ZNF134: variants seen among roughly 807,000 people sequenced by gnomAD.
ZNF134 encodes zinc finger protein 134, also known as zinc finger protein 134 (clone pHZ-15).
Under a neutral mutation model 2.5 loss-of-function variants are expected in ZNF134, and 5 were observed. That is an observed-to-expected ratio of 2.03 (90% CI 1.06 to 4.27). The LOEUF is 4.27. Ranked by LOEUF, ZNF134 falls within the 30% of genes most tolerant of loss-of-function variation. ZNF134 has a pLI of 0.00. For missense variants in ZNF134, 540 were observed against 517.5 expected, an observed-to-expected ratio of 1.04 and a Z score of -0.42; for synonymous variants, 176 against 176.2, an observed-to-expected ratio of 1.00 and a Z score of 0.01.
Position 57,619,664 on chromosome 19 carries a change from C to T in ZNF134, c.40+156C>T, listed in dbSNP as rs1056780636. Reference sequence around the variant, plus strand: ...TACACTCTTGTCATTTCTAATCTGACTTCTGACCCAGGGCTGTCTTCTCCC... The same window carrying T: ...TACACTCTTGTCATTTCTAATCTGATTTCTGACCCAGGGCTGTCTTCTCCC... On this transcript the variant is annotated intron_variant, in intron 2 of 2. Coordinates refer to ENST00000396161, the MANE Select transcript of ZNF134 (RefSeq NM_003435.5). The T allele has an allele frequency of 2.8e-5, 24 of 865,732 alleles. No homozygotes were observed. In the African/African-American group the frequency reaches 3.9e-4, roughly 14 times the overall value. The allele number at this position is 865,732 out of a possible 1,614,324, so 53.6% of individuals were successfully genotyped here.
rs758585264 is a variant in ZNF134 at position 57,621,085 on chromosome 19, G to C, written c.966G>C (p.Gly322=). 6.2e-7 allele frequency: 1 copy of C among 1,614,094 alleles called. No individual in the cohort carries two copies. The highest frequency in any genetic ancestry group is 8.5e-7 in the Non-Finnish European group (1 of 1,180,044). ...ATCCTTATGATTGCAGTGATTGTGG[G>C]AAATCCTTTGGCCACAAATACACCC... ...GENPYDCSDC[G]KSFGHKYTLI... The change falls in exon 3 of 3, where the codon GGG becomes GGC. Residue 322 remains glycine (G), a synonymous_variant. Coordinates refer to ENST00000396161, the MANE Select transcript of ZNF134 (RefSeq NM_003435.5).
In ZNF134 at chr19:57,620,638, A is replaced by G. The variant is rs1568630528; in HGVS notation, c.519A>G (p.Gln173=). The G allele has an allele frequency of 8.1e-6, 13 of 1,614,212 alleles. No homozygotes were observed. Among genetic ancestry groups the G allele is most frequent in the Non-Finnish European group, 9.3e-6 (11 of 1,180,038 alleles). ...GTGGGGATGCATTTCATGGTGAACA[A>G]ATGCATTACAAGTGCAGTGAATGTG... ...TESGDAFHGE[Q]MHYKCSECGK... is the part of the protein sequence containing the mutation. The change falls in exon 3 of 3, where the codon CAA becomes CAG. Residue 173 remains glutamine, a synonymous_variant. Transcript: ENST00000396161.
At chr19:57,619,689 C>T in intron 2 of ZNF134, 181 bp downstream of exon 2, 1 of 674,536 alleles carries the variant, frequency 1.5e-6, no homozygotes, top group Non-Finnish European at 2.5e-6. Context: ...TGTCTTCTCC[C>T]ATTCTCTACC....
In ZNF134 at chr19:57,614,449, T is replaced by A; in HGVS notation, c.-112T>A. ...CCGCGACCTGGGACCCCCTCGCGGC[T>A]CCGGGTGGTCTACGAACTGTGATGG... is the stretch of plus-strand genomic sequence containing the variant. On this transcript the variant is annotated 5_prime_UTR_variant, in exon 1 of 3. Transcript: ENST00000396161. The A allele has an allele frequency of 2.3e-6, 1 of 439,806 alleles. No individual in the cohort carries two copies. Among genetic ancestry groups the A allele is most frequent in the South Asian group, 1.6e-5 (1 of 62,728 alleles). 27.2% of individuals were successfully genotyped at this position (439,806 alleles called of 1,614,324 possible). A position where few individuals can be genotyped will look rare whatever the true frequency, so the allele number is the denominator to read the frequency against.
intron 1 of ZNF134, among the ~76,000 whole-genome samples, chr19:57,616,246 G>A (rs556220670): frequency 6.6e-6 from 1 of 152,332 alleles, no homozygotes; most frequent in East Asian, 1.9e-4. Context: ...TAGTGCAAGG[G>A]CTAGTGTACA....
Position 57,621,423 on chromosome 19 carries a change from G to T in ZNF134, c.*20G>T, listed in dbSNP as rs1981217595. 1 of 1,610,188 alleles carries T rather than the reference G, an allele frequency of 6.2e-7. No individual in the cohort carries two copies. The highest frequency in any genetic ancestry group is 8.5e-7 in the Non-Finnish European group (1 of 1,179,978). ...CTTTAGGAGTGCTTTGAATACAACA[G>T]GACTCATCAATCAGATGTTGAATTT... On this transcript the variant is annotated 3_prime_UTR_variant, in exon 3 of 3. Coordinates refer to ENST00000396161, the MANE Select transcript of ZNF134 (RefSeq NM_003435.5).
At position 57,614,439 on chromosome 19, in the gene ZNF134, C is replaced by A. The variant is rs748434010; in HGVS notation, c.-122C>A. On this transcript the variant is annotated 5_prime_UTR_variant, in exon 1 of 3. Transcript: ENST00000396161. ...TGCCAGGGTCCCGCGACCTGGGACC[C>A]CCTCGCGGCTCCGGGTGGTCTACGA... 2.3e-6 allele frequency: 1 copy of A among 443,168 alleles called. No individual in the cohort carries two copies. Among genetic ancestry groups the A allele is most frequent in the Non-Finnish European group, 4.5e-6 (1 of 220,512 alleles). The allele number at this position is 443,168 out of a possible 1,614,324, so 27.5% of individuals were successfully genotyped here.
intron 1 of ZNF134, among the ~76,000 whole-genome samples, chr19:57,616,438 C>T (rs577538165): frequency 9.8e-5 from 15 of 152,300 alleles, no homozygotes; most frequent in South Asian, 2.1e-4. Flanking sequence ...TTTTCAAAAA[C>T]TCATCAGTTC....
intron 1 of ZNF134, among the ~76,000 whole-genome samples, chr19:57,618,006 T>A (rs1309094640): frequency 6.6e-6 from 1 of 152,210 alleles, no homozygotes; most frequent in Non-Finnish European, 1.5e-5. Flanking sequence ...CTGTGGAGTT[T>A]CAGTCAAGCT....
At position 57,620,463 on chromosome 19, in the gene ZNF134, T is replaced by C; in HGVS notation, c.344T>C (p.Ile115Thr). 6.2e-7 allele frequency: 1 copy of C among 1,614,162 alleles called. No individual in the cohort carries two copies. The highest frequency in any genetic ancestry group is 8.5e-7 in the Non-Finnish European group (1 of 1,180,026). Residue 115 changes from isoleucine to threonine, a missense_variant, in exon 3 of 3, where the codon ATT (isoleucine) becomes ACT (threonine). By Grantham distance (89) the Ile-to-Thr change is moderately conservative. Coordinates refer to ENST00000396161, the MANE Select transcript of ZNF134 (RefSeq NM_003435.5). ...AGAAGGGATAAAAGTGAGGCCTCAATTGTGAAGAACTGCACAGTTAGCAAA... is the reference window on the plus strand; with the variant it reads ...AGAAGGGATAAAAGTGAGGCCTCAACTGTGAAGAACTGCACAGTTAGCAAA... The part of the protein sequence containing the change: ...PLRRDKSEAS[I>T]VKNCTVSKEP...
chr19:57,622,391 A>T lies in ZNF134; in HGVS notation c.*988A>T, dbSNP rs1250853435. On this transcript the variant is annotated 3_prime_UTR_variant, in exon 3 of 3. Transcript: ENST00000396161. ...TCCAGTAGGGAAACAAAATTGATAA[A>T]TATTGAGTGTGAGTAATTGGGATTG... 1 of 152,250 alleles carries T rather than the reference A, an allele frequency of 6.6e-6. No homozygotes were observed. The highest frequency in any genetic ancestry group is 2.4e-5 in the African/African-American group (1 of 41,462). The allele number at this position is 152,250 out of a possible 1,614,324, so 9.4% of individuals were successfully genotyped here. A position where few individuals can be genotyped will look rare whatever the true frequency, so the allele number is the denominator to read the frequency against.
In ZNF134 at chr19:57,624,539, TG is replaced by T. The variant is rs1981323204; in HGVS notation, c.*3138del. On this transcript the variant is annotated 3_prime_UTR_variant, in exon 3 of 3. Transcript: ENST00000396161. ...GCAAACCCAAATAAGGGAGGAGGGG[TG>T]GTAATCAGGGGTCCCTGAAATCCCC... The T allele has an allele frequency of 2.0e-5, 3 of 152,052 alleles. No homozygotes were observed. Among genetic ancestry groups the T allele is most frequent in the Non-Finnish European group, 4.4e-5 (3 of 68,018 alleles). The allele number at this position is 152,052 out of a possible 1,614,324, so 9.4% of individuals were successfully genotyped here. A position where few individuals can be genotyped will look rare whatever the true frequency, so the allele number is the denominator to read the frequency against.
In ZNF134 at chr19:57,620,528, G is replaced by A. The variant is rs201090711; in HGVS notation, c.409G>A (p.Glu137Lys). 129 of 1,614,196 alleles carry A rather than the reference G, an allele frequency of 8.0e-5. No individual in the cohort carries two copies. Among genetic ancestry groups the A allele is most frequent in the Non-Finnish European group, 3.4e-6 (4 of 1,180,044 alleles). ...PSEKPFTCKEEQKNFQATLGG... is the reference protein window; with the variant it reads ...PSEKPFTCKEKQKNFQATLGG... Reference sequence around the variant, plus strand: ...AGAGAAGCCCTTTACGTGTAAGGAGGAGCAGAAAAACTTCCAGGCTACTTT... The same window carrying A: ...AGAGAAGCCCTTTACGTGTAAGGAGAAGCAGAAAAACTTCCAGGCTACTTT... Residue 137 changes from glutamate (E) to lysine (K), a missense_variant, in exon 3 of 3, where the codon GAG (glutamate) becomes AAG (lysine). Coordinates refer to ENST00000396161, the MANE Select transcript of ZNF134 (RefSeq NM_003435.5).
chr19:57,621,212 G>T lies in ZNF134; in HGVS notation c.1093G>T (p.Val365Phe). 6.2e-7 allele frequency: 1 copy of T among 1,614,074 alleles called. No individual in the cohort carries two copies. The highest frequency in any genetic ancestry group is 8.5e-7 in the Non-Finnish European group (1 of 1,180,034). ...TTCTGACTATATTGCACACCAGAGG[G>T]TTCACACTGGTGAAAGGCCTTTTGT... The part of the protein sequence containing the change: ...RSSDYIAHQR[V>F]HTGERPFVCS... The change falls in exon 3 of 3, where the codon GTT (valine) becomes TTT (phenylalanine). Residue 365 changes from valine to phenylalanine, a missense_variant. Val to Phe is a conservative substitution (Grantham distance 50). Coordinates refer to ENST00000396161, the MANE Select transcript of ZNF134 (RefSeq NM_003435.5).
At chr19:57,616,069 A>G (rs1268648013) in intron 1 of ZNF134, among the ~76,000 whole-genome samples, 1 of 152,212 alleles carries the variant, frequency 6.6e-6, no homozygotes, top group African/African-American at 2.4e-5. Context: ...GCCACCCTAC[A>G]GGCTCAGCAT....
At chr19:57,619,871 CT>C (rs1479043443) in intron 2 of ZNF134, among the ~76,000 whole-genome samples, 3 of 152,226 alleles carry the variant, frequency 2.0e-5, no homozygotes, top group African/African-American at 7.2e-5. Flanking sequence ...TAGGAGTCAC[CT>C]GTCACCCACA....
At position 57,623,894 on chromosome 19, in the gene ZNF134, A is replaced by G. The variant is rs547401001; in HGVS notation, c.*2491A>G. Reference sequence around the variant, plus strand: ...CTCACAAAATTCTTGAAAATTTTATACCAGTGGAAATGCTCACCTTGGGTC... The same window carrying G: ...CTCACAAAATTCTTGAAAATTTTATGCCAGTGGAAATGCTCACCTTGGGTC... On this transcript the variant is annotated 3_prime_UTR_variant, in exon 3 of 3. Coordinates refer to ENST00000396161, the MANE Select transcript of ZNF134 (RefSeq NM_003435.5). The G allele has an allele frequency of 6.6e-6, 1 of 152,086 alleles. No individual in the cohort carries two copies. The highest frequency in any genetic ancestry group is 6.6e-5 in the Admixed American group (1 of 15,244). 9.4% of individuals were successfully genotyped at this position (152,086 alleles called of 1,614,324 possible).
rs1981249812 is a variant in ZNF134 at position 57,622,338 on chromosome 19, C to T, written c.*935C>T. The stretch of plus-strand genomic sequence containing the variant: ...TCCCTGAAGGCCTGAATCTGTTTCA[C>T]AGGCCACTGTTGGTAAGATCTAAAG... On this transcript the variant is annotated 3_prime_UTR_variant, in exon 3 of 3. Coordinates refer to ENST00000396161, the MANE Select transcript of ZNF134 (RefSeq NM_003435.5). The T allele has an allele frequency of 6.6e-6, 1 of 152,234 alleles. No individual in the cohort carries two copies. The highest frequency in any genetic ancestry group is 1.5e-5 in the Non-Finnish European group (1 of 68,084). 9.4% of individuals were successfully genotyped at this position (152,234 alleles called of 1,614,324 possible). A position where few individuals can be genotyped will look rare whatever the true frequency, so the allele number is the denominator to read the frequency against.
chr19:57,620,841 T>G lies in ZNF134; in HGVS notation c.722T>G (p.Phe241Cys). 2 of 1,614,072 alleles carry G rather than the reference T, an allele frequency of 1.2e-6. No homozygotes were observed. Among genetic ancestry groups the G allele is most frequent in the Non-Finnish European group, 1.7e-6 (2 of 1,180,016 alleles). The change falls in exon 3 of 3, where the codon TTC becomes TGC. Residue 241 changes from phenylalanine (F) to cysteine (C), a missense_variant. Coordinates refer to ENST00000396161, the MANE Select transcript of ZNF134 (RefSeq NM_003435.5). Reference protein sequence around the residue: ...PYECSECGKTFSRKDNLTQHK... With the variant: ...PYECSECGKTCSRKDNLTQHK... ...GAATGCAGCGAATGTGGAAAAACCTTCAGTCGAAAAGACAACCTTACTCAG... is the reference window on the plus strand; with the variant it reads ...GAATGCAGCGAATGTGGAAAAACCTGCAGTCGAAAAGACAACCTTACTCAG...
Sources: gnomAD v4.1 joint callset for allele counts (sites outside exome capture counted in the v4.1 genomes callset) on GRCh38, gnomAD v4.1.1 for gene constraint, MANE v1.5 for transcripts, NCBI Gene and HGNC (gene_info 2026-07-23, HGNC 2026-07-21) for gene names.